ADAMTS2: variants seen among roughly 807,000 people sequenced by gnomAD.
ADAMTS2 encodes the protein A disintegrin and metalloproteinase with thrombospondin motifs 2.
In ADAMTS2, 50 loss-of-function variants were observed where a neutral mutation model predicts 123.0. The ratio of observed to expected loss-of-function variants is 0.41; its 90% CI spans 0.32 to 0.51. The LOEUF is 0.51. Ranked by LOEUF, ADAMTS2 falls within the 20% of genes least tolerant of loss-of-function variation. ADAMTS2 has a pLI of 0.35. For synonymous variants in ADAMTS2, 678 were observed against 695.4 expected (o/e 0.98, Z 0.39); for missense variants, 1,494 against 1,705.2 (o/e 0.88, Z 2.18).
chr5:179,330,506 C>T (rs966549904), intron 2 of ADAMTS2, among the ~76,000 whole-genome samples: 13 of 152,258 alleles, frequency 8.5e-5, no homozygotes, highest in African/African-American at 2.2e-4. Flanking sequence ...TCCCTAGTCC[C>T]GAGAATGCAG....
At chr5:179,292,184 G>A (rs71611484) in intron 2 of ADAMTS2, among the ~76,000 whole-genome samples, 10 of 151,952 alleles carry the variant, frequency 6.6e-5, no homozygotes, top group Admixed American at 6.6e-4. Context: ...CGGCATTCCC[G>A]GGGGCAGAGA....
At chr5:179,152,454 G>A (rs1016177369) in intron 9 of ADAMTS2, among the ~76,000 whole-genome samples, 199 bp from the exon 10 acceptor site, 1 of 152,184 alleles carries the variant, frequency 6.6e-6, no homozygotes, top group South Asian at 2.1e-4. Flanking sequence ...ATCCCTGGAC[G>A]CGGCTGGGCC....
At position 179,132,919 on chromosome 5, in the gene ADAMTS2, G is replaced by A. The variant is rs772012147; in HGVS notation, c.2086-19C>T. ...CCACCTTCTGTTGGGGGAGGAGGCA[G>A]TGAGCACTTGAGACGTCCTGCTAGT... On this transcript the variant is annotated intron_variant, in intron 13 of 21. Transcript: ENST00000251582. The surrounding 1 kb of genome is among the most constrained non-coding windows in gnomAD (Gnocchi z 6.1). 1.2e-6 allele frequency: 2 copies of A among 1,612,630 alleles called. No homozygotes were observed. Among genetic ancestry groups the A allele is most frequent in the South Asian group, 2.2e-5 (2 of 90,818 alleles).
intron 3 of ADAMTS2, among the ~76,000 whole-genome samples, chr5:179,214,636 A>C (rs1318098597): frequency 6.6e-6 from 1 of 152,226 alleles, no homozygotes; most frequent in Non-Finnish European, 1.5e-5. Context: ...CCAAGTATCT[A>C]AGAACAAACA....
chr5:179,159,212 A>G lies in ADAMTS2; in HGVS notation c.976-333T>C, dbSNP rs542824318. 1.2e-4 allele frequency among the ~76,000 whole-genome samples: 19 copies of G among 152,290 alleles called. No individual in the cohort carries two copies. In the South Asian group the frequency reaches 3.1e-3, roughly 25 times the overall value. ...TTCCAGAAGTCCCTGTGTTTGTTCTATGAGGCACCTGTTCCGTGCAAGGCC... is the reference window on the plus strand; with the variant it reads ...TTCCAGAAGTCCCTGTGTTTGTTCTGTGAGGCACCTGTTCCGTGCAAGGCC... On this transcript the variant is annotated intron_variant, in intron 5 of 21. Transcript: ENST00000251582.
intron 2 of ADAMTS2, among the ~76,000 whole-genome samples, chr5:179,331,792 G>T (rs1757492279): frequency 6.6e-6 from 1 of 152,162 alleles, no homozygotes. Context: ...GAGGTCCACT[G>T]GGATCTGTTT....
chr5:179,126,679 C>T (rs989125943), intron 17 of ADAMTS2, among the ~76,000 whole-genome samples: 1 of 152,234 alleles, frequency 6.6e-6, no homozygotes, highest in African/African-American at 2.4e-5. Context: ...AGGACAGCCC[C>T]CATGGCGGCG....
Position 179,256,494 on chromosome 5 carries a change from C to T in ADAMTS2, c.688+16417G>A, listed in dbSNP as rs1766054859. On this transcript the variant is annotated intron_variant, in intron 3 of 21. Transcript: ENST00000251582. This position sits in a 1 kb window ranked among gnomAD's most constrained non-coding sequence, Gnocchi z 4.1. ...ATGGATGAAGATGTGGATGTGTCTG[C>T]TCTGACCATGGGTGTGTGCATGCCT... Among the ~76,000 whole-genome samples, 1 of 151,840 alleles carries T rather than the reference C, an allele frequency of 6.6e-6. No homozygotes were observed. The highest frequency in any genetic ancestry group is 2.1e-4 in the South Asian group (1 of 4,790).
intron 17 of ADAMTS2, 26 bp from the exon 18 acceptor site, chr5:179,126,156 T>C (rs757525170): frequency 6.2e-7 from 1 of 1,612,256 alleles, no homozygotes; most frequent in Admixed American, 1.7e-5. Context: ...TCGACGGGGG[T>C]CGGTGGGGCA....
chr5:179,221,656 G>A (rs765067302), intron 3 of ADAMTS2, among the ~76,000 whole-genome samples: 1 of 152,168 alleles, frequency 6.6e-6, no homozygotes, highest in African/African-American at 2.4e-5. Context: ...CGCCTCCTGA[G>A]GGGGCAGGGA....
intron 3 of ADAMTS2, among the ~76,000 whole-genome samples, chr5:179,217,656 GC>G (rs1765011878): frequency 7.8e-6 from 1 of 128,736 alleles, no homozygotes. Context: ...CTCTTTCCCA[GC>G]CCTCTCCTTA....
At position 179,128,874 on chromosome 5, in the gene ADAMTS2, C is replaced by T. The variant is rs1043216711; in HGVS notation, c.2458-756G>A. On this transcript the variant is annotated intron_variant, in intron 16 of 21. Coordinates refer to ENST00000251582, the MANE Select transcript of ADAMTS2 (RefSeq NM_014244.5). The surrounding 1 kb of genome is among the most constrained non-coding windows in gnomAD (Gnocchi z 4.9). Reference sequence around the variant, plus strand: ...CACTGGACAGCACTTCAGCAACAGGCTCAGGGTGATTTTCAACAGCGAAAT... The same window carrying T: ...CACTGGACAGCACTTCAGCAACAGGTTCAGGGTGATTTTCAACAGCGAAAT... Among the ~76,000 whole-genome samples, 3 of 152,154 alleles carry T rather than the reference C, an allele frequency of 2.0e-5. No homozygotes were observed. Among genetic ancestry groups the T allele is most frequent in the African/African-American group, 7.2e-5 (3 of 41,412 alleles).
At chr5:179,120,847 C>T (rs965859155) in intron 21 of ADAMTS2, 3 of 152,258 alleles carry the variant, frequency 2.0e-5, no homozygotes, top group African/African-American at 7.2e-5. Context: ...ACCTTCCCTG[C>T]CTTCTACTGG....
intron 4 of ADAMTS2, among the ~76,000 whole-genome samples, chr5:179,184,372 A>G (rs2113319541): frequency 6.6e-6 from 1 of 152,160 alleles, no homozygotes; most frequent in Non-Finnish European, 1.5e-5. Flanking sequence ...TTAGCCAGGC[A>G]TGGTGGCGAG....
chr5:179,276,816 G>T (rs1184204922), intron 2 of ADAMTS2, among the ~76,000 whole-genome samples: 1 of 152,190 alleles, frequency 6.6e-6, no homozygotes, highest in East Asian at 1.9e-4. Flanking sequence ...TCTTCTGGGG[G>T]AACTTGCAGC....
At chr5:179,331,026 C>T (rs1757463387) in intron 2 of ADAMTS2, among the ~76,000 whole-genome samples, 1 of 152,048 alleles carries the variant, frequency 6.6e-6, no homozygotes, top group African/African-American at 2.4e-5. Context: ...GTGAAAGGAG[C>T]TGGCTCTGGG....
intron 3 of ADAMTS2, among the ~76,000 whole-genome samples, chr5:179,212,422 G>A (rs1317024828): frequency 1.3e-5 from 2 of 150,350 alleles, no homozygotes; most frequent in African/African-American, 4.9e-5. Flanking sequence ...CTGAAGGCAG[G>A]TGCAGTGGGC....
In ADAMTS2 at chr5:179,242,759, A is replaced by T. The variant is rs1765698120; in HGVS notation, c.688+30152T>A. Among the ~76,000 whole-genome samples the T allele has an allele frequency of 6.6e-6, 1 of 152,136 alleles. No homozygotes were observed. Among genetic ancestry groups the T allele is most frequent in the Non-Finnish European group, 1.5e-5 (1 of 68,030 alleles). ...AGAACACAGGGCTCCCTCTTCCCTC[A>T]GATCCCAGTCAAGGAATACAGTATT... On this transcript the variant is annotated intron_variant, in intron 3 of 21. Transcript: ENST00000251582. The surrounding 1 kb of genome is among the most constrained non-coding windows in gnomAD (Gnocchi z 4.2).
At chr5:179,147,153 A>G (rs908835037) in intron 10 of ADAMTS2, among the ~76,000 whole-genome samples, 1 of 152,148 alleles carries the variant, frequency 6.6e-6, no homozygotes, top group African/African-American at 2.4e-5. Flanking sequence ...CAGTGGCATG[A>G]TCTTGACTCA....
Sources: gnomAD v4.1 joint callset for allele counts (sites outside exome capture counted in the v4.1 genomes callset) on GRCh38, gnomAD v4.1.1 for gene constraint, Gnocchi (gnomAD v3.1) non-coding constraint, MANE v1.5 for transcripts, NCBI Gene and HGNC (gene_info 2026-07-23, HGNC 2026-07-21) for gene names.